Variants in FNTA observed in about 807,000 individuals in gnomAD.
FNTA encodes farnesyltransferase, CAAX box, subunit alpha.
In FNTA, 27 loss-of-function variants were observed where a neutral mutation model predicts 55.2. The ratio of observed to expected loss-of-function variants is 0.49; its 90% CI spans 0.36 to 0.67. The LOEUF (loss-of-function observed/expected upper bound fraction) is 0.67. Ranked by LOEUF, FNTA falls within the 30% of genes least tolerant of loss-of-function variation. The pLI is 0.00. For synonymous variants in FNTA, 176 were observed against 170.7 expected (o/e 1.03, Z -0.24); for missense variants, 422 against 464.7 (o/e 0.91, Z 0.85).
intron 2 of FNTA, among the ~76,000 whole-genome samples, chr8:43,062,175 G>GTGTGTC (rs558148903): frequency 0.012 from 165 of 13,372 alleles, no homozygotes; most frequent in African/African-American, 0.015. Flanking sequence ...TATGTTTTAT[G>GTGTGTC]TGTGTGTGTG....
rs891514543 is a variant in FNTA at position 43,056,330 on chromosome 8, C to T, written c.-17C>T. 65 of 1,404,298 alleles carry T rather than the reference C, an allele frequency of 4.6e-5. No homozygotes were observed. Among genetic ancestry groups the T allele is most frequent in the Admixed American group, 6.6e-5 (2 of 30,368 alleles). 87.0% of individuals were successfully genotyped at this position (1,404,298 alleles called of 1,614,324 possible). ...GGCGGGGCCTCCGCCACCACCTCAG[C>T]TGCGGACCGAGGCGAGATGGCGGCC... On this transcript the variant is annotated 5_prime_UTR_variant, in exon 1 of 9. Transcript: ENST00000302279.
chr8:43,084,581 C>T (rs1811089092), intron 7 of FNTA, 129 bp from the exon 8 acceptor site: 1 of 670,380 alleles, frequency 1.5e-6, no homozygotes, highest in Non-Finnish European at 2.5e-6. Context: ...ATTATAGTTT[C>T]AGCGTCATTC....
At chr8:43,066,726 G>A (rs1018615867) in intron 3 of FNTA, among the ~76,000 whole-genome samples, 2 of 152,076 alleles carry the variant, frequency 1.3e-5, no homozygotes, top group Non-Finnish European at 2.9e-5. Flanking sequence ...AGAGAGACAG[G>A]AAAAATCCTG....
chr8:43,065,977 A>G (rs1810648735), intron 3 of FNTA, among the ~76,000 whole-genome samples: 1 of 151,282 alleles, frequency 6.6e-6, no homozygotes, highest in Non-Finnish European at 1.5e-5. Flanking sequence ...TCAGGTTGAG[A>G]AGATTTCCAT....
At chr8:43,072,929 AT>A (rs1276792414) in intron 5 of FNTA, among the ~76,000 whole-genome samples, 1 of 152,044 alleles carries the variant, frequency 6.6e-6, no homozygotes, top group Non-Finnish European at 1.5e-5. Flanking sequence ...CATATTATAC[AT>A]TTTTTTCATA....
chr8:43,067,930 T>G (rs147280956), intron 3 of FNTA, among the ~76,000 whole-genome samples: 3,147 of 151,968 alleles, frequency 0.021, 119 homozygotes, highest in African/African-American at 0.072. Flanking sequence ...GACGGAGTCT[T>G]GCTCTGTCGC....
At chr8:43,084,561 T>A in intron 7 of FNTA, 149 bp from the exon 8 acceptor site, 1 of 626,876 alleles carries the variant, frequency 1.6e-6, no homozygotes, top group Non-Finnish European at 2.7e-6. Flanking sequence ...TCATGTAATT[T>A]AAAAGTTTCA....
rs769206687 is a variant in FNTA, at chr8:43,084,880, A to T, written c.1016A>T (p.Glu339Val). The change falls in exon 8 of 9, where the codon GAG becomes GTG. Residue 339 changes from glutamate to valine, a missense_variant and splice_region_variant. Physicochemically the swap from Glu to Val is moderately radical, Grantham distance 121. This residue lies in a region of FNTA where 262 missense variants were observed against 343.1 expected (regional missense o/e 0.76). Transcript: ENST00000302279. ...NKEDILNKAL[E>V]LCEILAKEKD... The stretch of plus-strand genomic sequence containing the variant: ...GAAGACATTCTTAATAAAGCATTAG[A>T]GGTAAGCTGGTGGGGCTCAGTGCTG... 14 of 1,613,492 alleles carry T rather than the reference A, an allele frequency of 8.7e-6. No individual in the cohort carries two copies. Among genetic ancestry groups the T allele is most frequent in the Non-Finnish European group, 1.2e-5 (14 of 1,179,822 alleles).
In FNTA at chr8:43,061,850, G is replaced by A. The variant is rs1223165368; in HGVS notation, c.287-2251G>A. 2.0e-5 allele frequency among the ~76,000 whole-genome samples: 3 copies of A among 151,940 alleles called. No individual in the cohort carries two copies. The East Asian group carries it at 5.8e-4, about 29-fold the overall frequency. On this transcript the variant is annotated intron_variant, in intron 2 of 8. Transcript: ENST00000302279. Reference sequence around the variant, plus strand: ...TTCTCCTGCCTCAGCCGCCCGAGTAGCTGGGATTACAGGCTTGCGACACCA... The same window carrying A: ...TTCTCCTGCCTCAGCCGCCCGAGTAACTGGGATTACAGGCTTGCGACACCA...
Position 43,056,553 on chromosome 8 carries a change from C to G in FNTA, c.200+7C>G, listed in dbSNP as rs765961522. 10 of 1,420,548 alleles carry G rather than the reference C, an allele frequency of 7.0e-6. No individual in the cohort carries two copies. The allele number at this position is 1,420,548 out of a possible 1,614,324, so 88.0% of individuals were successfully genotyped here. On this transcript the variant is annotated splice_region_variant and intron_variant, in intron 1 of 8. Transcript: ENST00000302279. The stretch of plus-strand genomic sequence containing the variant: ...CCTCCTATGTCCTGTACAGGTAACG[C>G]CCCCGCGGCGGCCGCGGCTCGGGAC...
chr8:43,077,351 G>T lies in FNTA; in HGVS notation c.769G>T (p.Glu257Ter). 2 of 1,609,016 alleles carry T rather than the reference G, an allele frequency of 1.2e-6. No homozygotes were observed. The highest frequency in any genetic ancestry group is 1.7e-6 in the Non-Finnish European group (2 of 1,177,566). ...TGGCTACAATGATCGTGCTGTATTG[G>T]AGAGAGAAGTCCAGTTAGTAATCTC... is the stretch of plus-strand genomic sequence containing the variant. ...TTGYNDRAVL[E>*]REVQYTLEMI... is the part of the protein sequence containing the mutation. Residue 257 changes from glutamate (E) to a stop codon, truncating the protein, a stop_gained, in exon 6 of 9, where the codon GAG becomes TAG. Coordinates refer to ENST00000302279, the MANE Select transcript of FNTA (RefSeq NM_002027.3). LOFTEE classifies it high-confidence loss of function.
chr8:43,063,110 C>T (rs1460641358), intron 2 of FNTA, among the ~76,000 whole-genome samples: 1 of 138,536 alleles, frequency 7.2e-6, no homozygotes, highest in Non-Finnish European at 1.5e-5. Context: ...TTTTTTGAGA[C>T]AGTGTTGTGC....
Position 43,077,302 on chromosome 8 carries a change from A to T in FNTA, c.720A>T (p.Arg240Ser). 6.2e-7 allele frequency: 1 copy of T among 1,613,308 alleles called. No individual in the cohort carries two copies. Among genetic ancestry groups the T allele is most frequent in the Non-Finnish European group, 8.5e-7 (1 of 1,179,426 alleles). The change falls in exon 6 of 9, where the codon AGA becomes AGT. Residue 240 changes from arginine to serine, a missense_variant. Transcript: ENST00000302279. ...GAAATAACTCTGTCTGGAACCAAAG[A>T]TACTTCGTTATTTCTAACACCACTG... is the stretch of plus-strand genomic sequence containing the variant. The part of the protein sequence containing the change: ...DVRNNSVWNQ[R>S]YFVISNTTGY...
chr8:43,073,590 G>C (rs1256985993), intron 5 of FNTA: 1 of 152,136 alleles, frequency 6.6e-6, no homozygotes, highest in Non-Finnish European at 1.5e-5. Context: ...CATAATTTGT[G>C]ATAGGGGGAC....
intron 1 of FNTA, chr8:43,057,261 T>G (rs1174564653): frequency 6.6e-6 from 1 of 152,246 alleles, no homozygotes; most frequent in African/African-American, 2.4e-5. Flanking sequence ...TAATTCCCTG[T>G]GAACCTGCAG....
At chr8:43,058,870 T>C (rs1228477990) in intron 1 of FNTA, 2 of 396,922 alleles carry the variant, frequency 5.0e-6, no homozygotes, top group Admixed American at 8.8e-5. Flanking sequence ...TTGATTAGCT[T>C]TTCAGCATCT....
At chr8:43,071,048 A>G (rs1328019548) in intron 4 of FNTA, among the ~76,000 whole-genome samples, 1 of 152,188 alleles carries the variant, frequency 6.6e-6, no homozygotes, top group Admixed American at 6.5e-5. Flanking sequence ...TGTAAGACGA[A>G]TTTTTTAATT....
At chr8:43,083,276 T>C (rs1811060800) in intron 7 of FNTA, 96 bp downstream of exon 7, 5 of 706,240 alleles carry the variant, frequency 7.1e-6, no homozygotes, top group Non-Finnish European at 9.4e-6. Context: ...AAAAGGATAG[T>C]AAATAATTTT....
chr8:43,072,337 G>T, intron 5 of FNTA, 30 bp downstream of exon 5: 3 of 1,480,800 alleles, frequency 2.0e-6, no homozygotes, highest in South Asian at 1.4e-5. Flanking sequence ...GTGTTTTTCA[G>T]ATTTTTTTTT....
Sources: gnomAD v4.1 joint callset for allele counts (sites outside exome capture counted in the v4.1 genomes callset) on GRCh38, gnomAD v4.1.1 for gene constraint, gnomAD v4.1.1 regional missense constraint, MANE v1.5 for transcripts, NCBI Gene and HGNC (gene_info 2026-07-23, HGNC 2026-07-21) for gene names.